RTL4: variants seen among roughly 807,000 people sequenced by gnomAD.
The protein encoded by RTL4 is retrotransposon Gag-like protein 4.
A neutral mutation model predicts 5.3 loss-of-function variants in RTL4; 4 were observed. The ratio of observed to expected loss-of-function variants is 0.75; its 90% confidence interval spans 0.37 to 1.72. The LOEUF is 1.72. RTL4 is among the 40% of genes most tolerant of loss of function. The pLI, the probability that RTL4 is intolerant of heterozygous loss-of-function variation, is 0.04. For synonymous variants in RTL4, 98 were observed against 87.3 expected (o/e 1.12, Z -0.68); for missense variants, 260 against 227.1 (o/e 1.14, Z -0.93).
the RTL4 span, among the ~76,000 whole-genome samples, chrX:112,118,940 A>G: frequency 2.7e-5 from 3 of 110,094 alleles, no homozygotes; most frequent in African/African-American, 9.9e-5. Flanking sequence ...ACTGGAGTGC[A>G]GTTGTGCAAT....
chrX:112,193,224 A>G, the RTL4 span, among the ~76,000 whole-genome samples: 1 of 111,930 alleles, frequency 8.9e-6, no homozygotes, highest in Non-Finnish European at 1.9e-5. Context: ...AAAATATGTA[A>G]TGATCAAATC....
chrX:112,362,052 A>G, the RTL4 span, among the ~76,000 whole-genome samples: 1 of 111,913 alleles, frequency 8.9e-6, no homozygotes, highest in East Asian at 2.8e-4. Context: ...CAAGACACAC[A>G]CCTATTCAGA....
chrX:112,162,305 T>C, the RTL4 span, among the ~76,000 whole-genome samples: 1 of 111,975 alleles, frequency 8.9e-6, no homozygotes, highest in Admixed American at 9.5e-5. Flanking sequence ...ACTCAGGTTT[T>C]CTGCTCCTAA....
At chrX:112,342,373 C>T in the RTL4 span, among the ~76,000 whole-genome samples, 1 of 111,374 alleles carries the variant, frequency 9.0e-6, no homozygotes, top group Non-Finnish European at 1.9e-5. Flanking sequence ...ATCGTAGGCA[C>T]TGGAATTTTC....
At chrX:112,292,618 G>T in the RTL4 span, among the ~76,000 whole-genome samples, 1 of 111,612 alleles carries the variant, frequency 9.0e-6, no homozygotes, top group Admixed American at 9.6e-5. Flanking sequence ...TATAGGATCT[G>T]ATTTGTAAAA....
At chrX:112,289,295 C>G in the RTL4 span, among the ~76,000 whole-genome samples, 1 of 112,058 alleles carries the variant, frequency 8.9e-6, no homozygotes. Flanking sequence ...AAGTACCTTT[C>G]AAGTCAGTGG....
the RTL4 span, among the ~76,000 whole-genome samples, chrX:112,107,100 T>G: frequency 8.9e-6 from 1 of 111,835 alleles, no homozygotes; most frequent in Non-Finnish European, 1.9e-5. Context: ...AGGTTTTTGC[T>G]TTGTGGTTAC....
At chrX:112,334,686 T>C in the RTL4 span, among the ~76,000 whole-genome samples, 3 of 112,290 alleles carry the variant, frequency 2.7e-5, no homozygotes, top group East Asian at 8.3e-4. Flanking sequence ...AAACATTTTA[T>C]GTAATTACTG....
At chrX:112,148,637 A>T in the RTL4 span, among the ~76,000 whole-genome samples, 1 of 112,006 alleles carries the variant, frequency 8.9e-6, no homozygotes, top group Non-Finnish European at 1.9e-5. Flanking sequence ...GAGAGAACAG[A>T]GTCTCTGTAT....
chrX:112,145,138 TAACTG>T, the RTL4 span, among the ~76,000 whole-genome samples: 1 of 111,701 alleles, frequency 9.0e-6, no homozygotes, highest in African/African-American at 3.3e-5. Flanking sequence ...GCATCCTACT[TAACTG>T]GAGTGTGTCA....
the RTL4 span, among the ~76,000 whole-genome samples, chrX:112,245,654 C>T: frequency 2.9e-5 from 3 of 103,141 alleles, no homozygotes; most frequent in South Asian, 3.9e-4. Context: ...CCTCCTTTAG[C>T]TCAGAGTAGT....
the RTL4 span, among the ~76,000 whole-genome samples, chrX:112,297,544 G>A: frequency 4.5e-5 from 5 of 111,094 alleles, no homozygotes; most frequent in African/African-American, 1.3e-4. Flanking sequence ...GCTGAACCAC[G>A]AAAAACCATC....
At chrX:112,450,042 G>T (rs2147893079), upstream of RTL4, among the ~76,000 whole-genome samples, 1 of 112,184 alleles carries the variant, frequency 8.9e-6, no homozygotes, top group African/African-American at 3.2e-5. Context: ...TGGAGATCAA[G>T]AGTAAAATAT....
At chrX:112,351,164 T>C in the RTL4 span, among the ~76,000 whole-genome samples, 2 of 111,181 alleles carry the variant, frequency 1.8e-5, no homozygotes, top group Non-Finnish European at 3.8e-5. Context: ...AGTTTCCATG[T>C]AGTTGAGTGG....
the RTL4 span, among the ~76,000 whole-genome samples, chrX:112,245,189 C>T: frequency 6.7e-4 from 74 of 110,557 alleles, no homozygotes; most frequent in African/African-American, 2.4e-3. Context: ...TTGCTCTTCT[C>T]GAGGAGTATC....
At chrX:112,131,380 A>G in the RTL4 span, among the ~76,000 whole-genome samples, 1 of 111,468 alleles carries the variant, frequency 9.0e-6, no homozygotes, top group African/African-American at 3.3e-5. Context: ...TAAAAGCTCA[A>G]GAGCTCTGGG....
the RTL4 span, among the ~76,000 whole-genome samples, chrX:112,319,570 C>T: frequency 2.7e-5 from 3 of 111,036 alleles, no homozygotes; most frequent in African/African-American, 9.8e-5. Flanking sequence ...ATTTATACAC[C>T]CAGATAACTG....
the RTL4 span, among the ~76,000 whole-genome samples, chrX:112,437,540 A>C: frequency 5.2e-4 from 58 of 111,139 alleles, no homozygotes; most frequent in Non-Finnish European, 9.2e-4. Flanking sequence ...ATATATATAT[A>C]CAACAACAGT....
chrX:112,161,829 C>CT, the RTL4 span, among the ~76,000 whole-genome samples: 809 of 43,491 alleles, frequency 0.019, 11 homozygotes, highest in South Asian at 0.023. Flanking sequence ...TCCTTCCTTC[C>CT]TTCCTTCCTT....
Sources: allele counts gnomAD v4.1 joint callset (sites outside exome capture counted in the v4.1 genomes callset), GRCh38; gene constraint gnomAD v4.1.1; transcripts MANE v1.5; gene names NCBI Gene and HGNC (gene_info 2026-07-23, HGNC 2026-07-21).